ROR1: variants seen among roughly 807,000 people sequenced by gnomAD.
ROR1 encodes the protein inactive tyrosine-protein kinase transmembrane receptor ROR1.
A neutral mutation model predicts 78.8 loss-of-function variants in ROR1; 19 were observed. The observed-to-expected ratio is 0.24, with a 90% confidence interval of 0.17 to 0.35. The LOEUF (loss-of-function observed/expected upper bound fraction) is 0.35, where lower values mean the gene tolerates loss of function less well. Among genes scored for constraint, ROR1 ranks in the 10% least tolerant of loss-of-function variants. The pLI is 1.00. For missense variants in ROR1, 917 were observed against 1,177.8 expected (o/e 0.78, Z 3.24); for synonymous variants, 386 against 433.6 (o/e 0.89, Z 1.36).
rs58622476 is a variant in ROR1, at chr1:64,016,733, T to TTATATATATATA, written c.163+7362_163+7373dup. On this transcript the variant is annotated intron_variant, in intron 2 of 8. Transcript: ENST00000371079. The stretch of plus-strand genomic sequence containing the variant: ...ATGTACCCTAGAACTTAAAATATAA[T>TTATATATATATA]TATATATATATATATAAAGATTTTA... 3.8e-3 allele frequency among the ~76,000 whole-genome samples: 540 copies of TTATATATATATA among 140,598 alleles called. 5 individuals are homozygous for TTATATATATATA. Among genetic ancestry groups the TTATATATATATA allele is most frequent in the African/African-American group, 8.2e-3 (318 of 38,678 alleles). 92.2% of individuals were successfully genotyped at this position (140,598 alleles called of 152,430 possible). A position where few individuals can be genotyped will look rare whatever the true frequency, so the allele number is the denominator to read the frequency against.
chr1:63,934,307 G>A (rs1287766696), intron 1 of ROR1, among the ~76,000 whole-genome samples: 1 of 152,130 alleles, frequency 6.6e-6, no homozygotes, highest in Non-Finnish European at 1.5e-5. Context: ...GTCACCCTCT[G>A]TGTGACTTTG....
At chr1:63,791,032 T>G (rs2819138) in intron 1 of ROR1, among the ~76,000 whole-genome samples, 28,831 of 152,112 alleles carry the variant, frequency 0.19, 3,865 homozygotes, top group African/African-American at 0.39. Context: ...TGCTGGGGTT[T>G]CTTGGGGCCT....
intron 1 of ROR1, among the ~76,000 whole-genome samples, chr1:63,787,006 G>A (rs909295469): frequency 3.3e-5 from 5 of 152,148 alleles, no homozygotes; most frequent in Admixed American, 1.3e-4. Context: ...CACCCCAAAC[G>A]GTATGGGAAT....
intron 1 of ROR1, among the ~76,000 whole-genome samples, chr1:63,942,268 C>T (rs1645846951): frequency 6.6e-6 from 1 of 152,214 alleles, no homozygotes; most frequent in South Asian, 2.1e-4. Flanking sequence ...TTGATAAAAA[C>T]AATCCTGGCA....
chr1:64,009,925 A>C (rs1646462640), intron 2 of ROR1, among the ~76,000 whole-genome samples: 2 of 152,182 alleles, frequency 1.3e-5, no homozygotes, highest in Admixed American at 1.3e-4. Context: ...TATTTTATAA[A>C]GACCCTATGT....
At chr1:63,990,976 TG>T (rs1169445267) in intron 1 of ROR1, among the ~76,000 whole-genome samples, 1 of 152,216 alleles carries the variant, frequency 6.6e-6, no homozygotes, top group Non-Finnish European at 1.5e-5. Context: ...TGGAGTGCAA[TG>T]GTGCAATAAC....
intron 1 of ROR1, among the ~76,000 whole-genome samples, chr1:63,979,010 G>A (rs959388721): frequency 6.6e-6 from 1 of 152,172 alleles, no homozygotes; most frequent in Admixed American, 6.5e-5. Context: ...TCCCTCTTGC[G>A]CTGGGGAGGT....
At chr1:63,964,329 G>T (rs368243063) in intron 1 of ROR1, among the ~76,000 whole-genome samples, 7 of 152,312 alleles carry the variant, frequency 4.6e-5, no homozygotes, top group Admixed American at 4.6e-4. Context: ...CATAGCAAGA[G>T]TTCAGTGTCT....
At chr1:63,896,462 A>G (rs1300292167) in intron 1 of ROR1, among the ~76,000 whole-genome samples, 5 of 152,174 alleles carry the variant, frequency 3.3e-5, no homozygotes, top group East Asian at 1.9e-4. Flanking sequence ...AAAGATTTCC[A>G]TAACACTTGG....
In ROR1 at chr1:64,178,458, T is replaced by C. The variant is rs773335329; in HGVS notation, c.2417T>C (p.Ile806Thr). ...ITPQGQIAGF[I>T]GPPIPQNQRF... ...CCACAGGGCCAGATTGCTGGTTTCA[T>C]TGGCCCGCCAATACCTCAGAACCAG... The change falls in exon 9 of 9, where the codon ATT (isoleucine) becomes ACT (threonine). Residue 806 changes from isoleucine to threonine, a missense_variant. Around this residue, in one of 3 missense-constraint regions of ROR1, gnomAD observed 835 missense variants for 1,069.8 expected, o/e 0.78. Coordinates refer to ENST00000371079, the MANE Select transcript of ROR1 (RefSeq NM_005012.4). The surrounding 1 kb of genome is among the most constrained non-coding windows in gnomAD (Gnocchi z 4.3). 5.5e-5 allele frequency: 89 copies of C among 1,614,068 alleles called. No homozygotes were observed. Among genetic ancestry groups the C allele is most frequent in the Middle Eastern group, 1.6e-4 (1 of 6,084 alleles).
At chr1:64,089,205 A>G (rs1647176228) in intron 4 of ROR1, among the ~76,000 whole-genome samples, 1 of 92,746 alleles carries the variant, frequency 1.1e-5, no homozygotes, top group South Asian at 3.7e-4. Context: ...TAGTAAAATA[A>G]TCGAACCAGT....
intron 1 of ROR1, among the ~76,000 whole-genome samples, chr1:63,881,847 G>C (rs989971272): frequency 2.6e-5 from 4 of 152,158 alleles, no homozygotes; most frequent in African/African-American, 9.7e-5. Context: ...GCTGCCTGGA[G>C]GATTGTGTTG....
intron 1 of ROR1, among the ~76,000 whole-genome samples, chr1:64,001,135 C>A (rs1646379648): frequency 6.6e-6 from 1 of 152,108 alleles, no homozygotes; most frequent in Non-Finnish European, 1.5e-5. Flanking sequence ...ATGTCCATAC[C>A]ATGGAATACT....
At chr1:64,109,949 G>C (rs948246072) in intron 4 of ROR1, among the ~76,000 whole-genome samples, 1 of 152,092 alleles carries the variant, frequency 6.6e-6, no homozygotes, top group Non-Finnish European at 1.5e-5. Context: ...ACTCAGACCA[G>C]AGCTAACCCT....
intron 1 of ROR1, among the ~76,000 whole-genome samples, chr1:63,875,309 C>T (rs187125694): frequency 1.3e-5 from 2 of 152,246 alleles, no homozygotes; most frequent in African/African-American, 2.4e-5. Flanking sequence ...CAATGAAAAA[C>T]GTCCAGGTCT....
chr1:63,869,765 A>G (rs1474959712), intron 1 of ROR1, among the ~76,000 whole-genome samples: 1 of 152,230 alleles, frequency 6.6e-6, no homozygotes, highest in Non-Finnish European at 1.5e-5. Context: ...AGCTCCTGGT[A>G]GAGGCAGAGT....
At chr1:64,103,475 A>T (rs1431021225) in intron 4 of ROR1, among the ~76,000 whole-genome samples, 1 of 152,194 alleles carries the variant, frequency 6.6e-6, no homozygotes, top group African/African-American at 2.4e-5. Flanking sequence ...GGACAAAGTC[A>T]GAAATAGTTG....
intron 1 of ROR1, among the ~76,000 whole-genome samples, chr1:63,784,459 A>G (rs2100225810): frequency 6.6e-6 from 1 of 152,386 alleles, no homozygotes; most frequent in East Asian, 1.9e-4. Flanking sequence ...ATCTTCAAAT[A>G]GCTGTTGTCT....
chr1:64,172,250 T>C (rs897575218), intron 8 of ROR1, among the ~76,000 whole-genome samples: 6 of 152,210 alleles, frequency 3.9e-5, no homozygotes, highest in Admixed American at 2.0e-4. Flanking sequence ...CCCATCTGAC[T>C]CACATCTAAA....
Sources: gnomAD v4.1 joint callset for allele counts (sites outside exome capture counted in the v4.1 genomes callset) on GRCh38, gnomAD v4.1.1 for gene constraint, gnomAD v4.1.1 regional missense constraint, Gnocchi (gnomAD v3.1) non-coding constraint, MANE v1.5 for transcripts, NCBI Gene and HGNC (gene_info 2026-07-23, HGNC 2026-07-21) for gene names.